The following MED13 variants were observed in gnomAD, a reference collection of about 807,000 sequenced individuals.
The protein encoded by MED13 is mediator complex subunit 13.
In MED13, 23 loss-of-function variants were observed where a neutral mutation model predicts 225.2. That is an observed-to-expected ratio of 0.10 (90% CI 0.07 to 0.14). The LOEUF is 0.14. Ranked by LOEUF, MED13 falls within the 10% of genes least tolerant of loss-of-function variation. MED13 has a pLI of 1.00. For synonymous variants in MED13, 942 were observed against 889.2 expected (o/e 1.06, Z -1.06); for missense variants, 2,197 against 2,594.5 (o/e 0.85, Z 3.33).
chr17:62,045,407 C>A (rs1416397136), intron 3 of MED13, among the ~76,000 whole-genome samples: 1 of 152,074 alleles, frequency 6.6e-6, no homozygotes, highest in Non-Finnish European at 1.5e-5. Context: ...CCTGTAGTCC[C>A]AGCTACTCTG....
At chr17:61,960,771 T>C in intron 23 of MED13, 96 bp downstream of exon 23, 2 of 796,872 alleles carry the variant, frequency 2.5e-6, no homozygotes, top group Non-Finnish European at 3.8e-6. Context: ...AATATTTTAA[T>C]ATATATAAAA....
chr17:62,025,234 C>CCACAG (rs1270383628), intron 8 of MED13, among the ~76,000 whole-genome samples: 1 of 152,120 alleles, frequency 6.6e-6, no homozygotes, highest in African/African-American at 2.4e-5. Context: ...GTAAAAGTGA[C>CCACAG]CACAGACAAT....
chr17:62,051,910 G>T (rs919258510), intron 3 of MED13, among the ~76,000 whole-genome samples: 2 of 152,158 alleles, frequency 1.3e-5, no homozygotes, highest in Non-Finnish European at 2.9e-5. Context: ...TCACGGAGAA[G>T]CGAGTAACCT....
chr17:62,011,335 C>T, intron 8 of MED13, 102 bp from the exon 9 acceptor site: 7 of 967,804 alleles, frequency 7.2e-6, no homozygotes, highest in Non-Finnish European at 1.0e-5. Context: ...ATTTCTTTTT[C>T]ACATGTAATA....
intron 17 of MED13, among the ~76,000 whole-genome samples, chr17:61,969,122 G>A (rs564089632): frequency 2.0e-5 from 3 of 152,128 alleles, no homozygotes; most frequent in African/African-American, 7.2e-5. Context: ...TTGGGAGGCC[G>A]AGGTGGGCAG....
At chr17:62,047,205 T>C (rs764627467) in intron 3 of MED13, among the ~76,000 whole-genome samples, 4 of 151,956 alleles carry the variant, frequency 2.6e-5, no homozygotes, top group African/African-American at 4.8e-5. Context: ...ACCCCGTCTC[T>C]ACTAAAAATA....
intron 9 of MED13, among the ~76,000 whole-genome samples, chr17:62,009,293 C>A (rs545563668): frequency 6.6e-6 from 1 of 152,126 alleles, no homozygotes; most frequent in Admixed American, 6.5e-5. Flanking sequence ...AACATTAATA[C>A]AGTGGACAAA....
At chr17:61,978,593 C>G (rs2080177179) in intron 16 of MED13, among the ~76,000 whole-genome samples, 1 of 152,044 alleles carries the variant, frequency 6.6e-6, no homozygotes. Flanking sequence ...CTATTATTGA[C>G]CCTATTTTAA....
At chr17:61,969,421 A>T (rs1040034955) in intron 17 of MED13, among the ~76,000 whole-genome samples, 4 of 152,114 alleles carry the variant, frequency 2.6e-5, no homozygotes, top group Non-Finnish European at 5.9e-5. Flanking sequence ...CATGCCTGTA[A>T]TCTCAGCACC....
intron 20 of MED13, among the ~76,000 whole-genome samples, chr17:61,964,343 C>T (rs1423715899): frequency 1.3e-5 from 2 of 151,558 alleles, no homozygotes; most frequent in African/African-American, 4.8e-5. Context: ...GAGGCTGAGG[C>T]AGGCAGATTG....
chr17:61,973,916 G>T (rs538947314), intron 16 of MED13, among the ~76,000 whole-genome samples: 2 of 152,174 alleles, frequency 1.3e-5, no homozygotes, highest in East Asian at 3.9e-4. Flanking sequence ...CCAGAAGGCA[G>T]GGGTTGCAGT....
Position 61,984,964 on chromosome 17 carries a change from G to A in MED13, c.2476+36C>T, listed in dbSNP as rs144060435. The stretch of plus-strand genomic sequence containing the variant: ...GGAGCTTTGTTGAGATTAAAAGTTC[G>A]CAAATTTATCTCGAGCACAGATGAG... On this transcript the variant is annotated intron_variant, in intron 13 of 29. Coordinates refer to ENST00000397786, the MANE Select transcript of MED13 (RefSeq NM_005121.3). The A allele has an allele frequency of 4.9e-4, 791 of 1,603,958 alleles. 6 individuals are homozygous for A. The African/African-American group carries it at 7.4e-3, about 15-fold the overall frequency.
intron 16 of MED13, among the ~76,000 whole-genome samples, chr17:61,981,327 A>T (rs1378713753): frequency 1.3e-5 from 2 of 152,082 alleles, no homozygotes; most frequent in African/African-American, 4.8e-5. Context: ...AGACTGAGAG[A>T]TCTCTTAAAA....
At position 61,961,778 on chromosome 17, in the gene MED13, A is replaced by G; in HGVS notation, c.5066T>C (p.Ile1689Thr). 6.2e-7 allele frequency: 1 copy of G among 1,611,996 alleles called. No homozygotes were observed. Among genetic ancestry groups the G allele is most frequent in the African/African-American group, 1.3e-5 (1 of 74,998 alleles). Reference protein sequence around the residue: ...PHIKSTVSVQIIPCQYLLQPV... With the variant: ...PHIKSTVSVQTIPCQYLLQPV... Reference sequence around the variant, plus strand: ...TTGCAACAGGTACTGACAAGGAATAATCTAAGAAGTATAGGCAAATATTAC... The same window carrying G: ...TTGCAACAGGTACTGACAAGGAATAGTCTAAGAAGTATAGGCAAATATTAC... Residue 1689 changes from isoleucine to threonine, a missense_variant and splice_region_variant, in exon 22 of 30, where the codon ATT becomes ACT. Coordinates refer to ENST00000397786, the MANE Select transcript of MED13 (RefSeq NM_005121.3).
At chr17:62,063,986 G>A (rs1356128321) in intron 1 of MED13, among the ~76,000 whole-genome samples, 1 of 152,174 alleles carries the variant, frequency 6.6e-6, no homozygotes, top group African/African-American at 2.4e-5. Context: ...CGAGGATAGA[G>A]TATTAAAGAT....
At chr17:62,032,597 T>C in intron 5 of MED13, 1 of 152,200 alleles carries the variant, frequency 6.6e-6, no homozygotes, top group East Asian at 1.9e-4. Context: ...AATTATACTT[T>C]CTCCATGCCT....
intron 8 of MED13, among the ~76,000 whole-genome samples, chr17:62,012,128 A>G (rs1448478157): frequency 6.6e-6 from 1 of 151,692 alleles, no homozygotes; most frequent in Non-Finnish European, 1.5e-5. Flanking sequence ...AGGCAGGAGA[A>G]TAGCTTGAAC....
intron 9 of MED13, chr17:62,006,587 T>C (rs2080451012): frequency 1.3e-5 from 2 of 151,900 alleles, no homozygotes; most frequent in South Asian, 2.1e-4. Flanking sequence ...TCTACCTATA[T>C]ACAACATTTC....
In MED13 at chr17:61,945,287, A is replaced by G. The variant is rs938271685; in HGVS notation, c.*1181T>C. ...CATTCCCAATCTTTAATTTAAAAAA[A>G]AAAGTCAAACAATCAAGAATGACTG... On this transcript the variant is annotated 3_prime_UTR_variant, in exon 30 of 30. Coordinates refer to ENST00000397786, the MANE Select transcript of MED13 (RefSeq NM_005121.3). 1 of 152,354 alleles carries G rather than the reference A, an allele frequency of 6.6e-6. No homozygotes were observed. Among genetic ancestry groups the G allele is most frequent in the Non-Finnish European group, 1.5e-5 (1 of 68,036 alleles). The allele number at this position is 152,354 out of a possible 1,614,324, so 9.4% of individuals were successfully genotyped here. A position where few individuals can be genotyped will look rare whatever the true frequency, so the allele number is the denominator to read the frequency against.
Sources: allele counts gnomAD v4.1 joint callset (sites outside exome capture counted in the v4.1 genomes callset), GRCh38; gene constraint gnomAD v4.1.1; transcripts MANE v1.5; gene names NCBI Gene and HGNC (gene_info 2026-07-23, HGNC 2026-07-21).